Variants in FBXL17 observed in about 807,000 individuals in gnomAD.
The protein encoded by FBXL17 is F-box and leucine rich repeat protein 17, also known as F-box/LRR-repeat protein 17.
A neutral mutation model predicts 66.2 loss-of-function variants in FBXL17; 22 were observed. The observed-to-expected ratio is 0.33, with a 90% CI of 0.24 to 0.47. FBXL17 has a LOEUF of 0.47. Ranked by LOEUF, FBXL17 falls within the 20% of genes least tolerant of loss-of-function variation. FBXL17 has a pLI of 1.00. For synonymous variants in FBXL17, 474 were observed against 400.5 expected, an observed-to-expected ratio of 1.18 and a Z score of -2.19; for missense variants, 878 against 948.2, an observed-to-expected ratio of 0.93 and a Z score of 0.97.
In FBXL17 at chr5:108,381,994, C is replaced by T; in HGVS notation, c.-303G>A. 8.6e-7 allele frequency: 1 copy of T among 1,167,950 alleles called. No individual in the cohort carries two copies. The highest frequency in any genetic ancestry group is 1.6e-5 in the African/African-American group (1 of 62,852). 72.3% of individuals were successfully genotyped at this position (1,167,950 alleles called of 1,614,324 possible). A position where few individuals can be genotyped will look rare whatever the true frequency, so the allele number is the denominator to read the frequency against. ...GCCGGCTAGGCGACCAGTCCGGGCC[C>T]GGCCAGCCGGCTCAGTCAGTCAGCG... On this transcript the variant is annotated 5_prime_UTR_variant, in exon 1 of 9. Transcript: ENST00000542267.
At chr5:108,012,880 T>C (rs1218326339) in intron 7 of FBXL17, among the ~76,000 whole-genome samples, 1 of 152,168 alleles carries the variant, frequency 6.6e-6, no homozygotes, top group East Asian at 1.9e-4. Context: ...CCGGGCGTGG[T>C]GGCACATGCC....
chr5:108,061,239 A>G (rs1000392055), intron 6 of FBXL17, among the ~76,000 whole-genome samples: 3 of 152,084 alleles, frequency 2.0e-5, no homozygotes, highest in African/African-American at 7.2e-5. Context: ...GTGAGCTGAG[A>G]TCATGCCATT....
intron 7 of FBXL17, among the ~76,000 whole-genome samples, chr5:107,989,897 A>G (rs10044064): frequency 0.29 from 44,819 of 152,082 alleles, 6,643 homozygotes; most frequent in East Asian, 0.36. Context: ...TACTGATTGG[A>G]ACTGTTCCTG....
intron 4 of FBXL17, among the ~76,000 whole-genome samples, chr5:108,277,277 G>A (rs1561502576): frequency 1.3e-5 from 2 of 152,004 alleles, no homozygotes; most frequent in Non-Finnish European, 2.9e-5. Context: ...TCCCAAACTC[G>A]TGAACCAAGA....
chr5:108,118,423 G>A (rs1750348856), intron 6 of FBXL17, among the ~76,000 whole-genome samples: 1 of 152,138 alleles, frequency 6.6e-6, no homozygotes, highest in Admixed American at 6.5e-5. Context: ...CTAAAAACTT[G>A]AGAAAATTCT....
chr5:108,065,239 A>T (rs1275715651), intron 6 of FBXL17, among the ~76,000 whole-genome samples: 1 of 152,198 alleles, frequency 6.6e-6, no homozygotes, highest in African/African-American at 2.4e-5. Flanking sequence ...CATAGCATAC[A>T]TGCTGTTTTC....
intron 4 of FBXL17, among the ~76,000 whole-genome samples, chr5:108,268,682 A>G (rs1757143170): frequency 6.6e-6 from 1 of 152,106 alleles, no homozygotes; most frequent in Non-Finnish European, 1.5e-5. Context: ...TTTACATACT[A>G]CTCAAAAGAG....
At chr5:108,192,288 G>A (rs1753499122) in intron 5 of FBXL17, among the ~76,000 whole-genome samples, 1 of 152,150 alleles carries the variant, frequency 6.6e-6, no homozygotes, top group Non-Finnish European at 1.5e-5. Context: ...AATCACAGAG[G>A]ATTTGAATAA....
At chr5:108,374,696 AGAG>A (rs565119871) in intron 1 of FBXL17, among the ~76,000 whole-genome samples, 14 of 152,236 alleles carry the variant, frequency 9.2e-5, no homozygotes, top group Admixed American at 8.5e-4. Flanking sequence ...AGAAAAGAGA[AGAG>A]GAGAAGGGAG....
rs1407584563 is a variant in FBXL17, at chr5:108,083,599, G to A, written c.1746-62598C>T. Among the ~76,000 whole-genome samples, 3 of 150,538 alleles carry A rather than the reference G, an allele frequency of 2.0e-5. No individual in the cohort carries two copies. The East Asian group carries it at 5.9e-4, about 29-fold the overall frequency. On this transcript the variant is annotated intron_variant, in intron 6 of 8. Transcript: ENST00000542267. ...TTTTTTTTTTTTTTGGTAGAGACAG[G>A]GTTTTACCATGTTGCTCAGGTTAGC...
intron 6 of FBXL17, among the ~76,000 whole-genome samples, chr5:108,051,218 C>T (rs1343761445): frequency 2.6e-5 from 4 of 152,196 alleles, no homozygotes; most frequent in African/African-American, 9.7e-5. Context: ...AGGAGGGACT[C>T]CTCCCTAACT....
At chr5:108,173,558 C>A (rs1396550061) in intron 6 of FBXL17, among the ~76,000 whole-genome samples, 1 of 152,164 alleles carries the variant, frequency 6.6e-6, no homozygotes, top group Non-Finnish European at 1.5e-5. Context: ...TCCTTTAACA[C>A]GTGTTTCTCT....
chr5:108,143,726 GAAAAAAAAAAAA>G (rs67537467), intron 6 of FBXL17, among the ~76,000 whole-genome samples: 6 of 107,528 alleles, frequency 5.6e-5, no homozygotes, highest in South Asian at 3.3e-4. Context: ...GTTTTCATGG[GAAAAAAAAAAAA>G]AAAAAAAAAA....
intron 4 of FBXL17, among the ~76,000 whole-genome samples, chr5:108,233,570 CAA>C (rs1755465347): frequency 1.3e-5 from 2 of 152,242 alleles, no homozygotes; most frequent in East Asian, 1.9e-4. Flanking sequence ...GTGATAGAGA[CAA>C]AGAGAAAGAT....
chr5:108,299,514 G>C (rs931660201), intron 4 of FBXL17: 1 of 947,590 alleles, frequency 1.1e-6, no homozygotes, highest in African/African-American at 1.8e-5. Context: ...AAGAAAACAG[G>C]AGGGCTAATT....
At chr5:108,048,209 G>C (rs1261842100) in intron 6 of FBXL17, among the ~76,000 whole-genome samples, 1 of 152,124 alleles carries the variant, frequency 6.6e-6, no homozygotes, top group Non-Finnish European at 1.5e-5. Context: ...CTACAGGAGA[G>C]GGACCTGACC....
chr5:108,333,368 T>C (rs1242700566), intron 4 of FBXL17, among the ~76,000 whole-genome samples: 1 of 152,038 alleles, frequency 6.6e-6, no homozygotes, highest in Non-Finnish European at 1.5e-5. Context: ...CATGCAAAGA[T>C]GGACAGACAA....
intron 7 of FBXL17, among the ~76,000 whole-genome samples, chr5:107,969,184 T>C (rs1049311052): frequency 6.6e-6 from 1 of 152,118 alleles, no homozygotes; most frequent in Non-Finnish European, 1.5e-5. Context: ...ATCTGACCTT[T>C]TGCAGAAAAG....
chr5:108,069,924 T>C (rs1041140658), intron 6 of FBXL17, among the ~76,000 whole-genome samples: 3 of 152,194 alleles, frequency 2.0e-5, no homozygotes, highest in African/African-American at 7.2e-5. Context: ...AGTGGTCAAA[T>C]AACAAAACTA....
Sources: gnomAD v4.1 joint callset for allele counts (sites outside exome capture counted in the v4.1 genomes callset) on GRCh38, gnomAD v4.1.1 for gene constraint, MANE v1.5 for transcripts, NCBI Gene and HGNC (gene_info 2026-07-23, HGNC 2026-07-21) for gene names.